The following CCDC148 variants were observed in gnomAD, a reference collection of about 807,000 sequenced individuals.
The protein encoded by CCDC148 is coiled-coil domain containing 148.
A neutral mutation model predicts 85.7 loss-of-function variants in CCDC148; 89 were observed. The observed-to-expected ratio is 1.04, with a 90% CI of 0.87 to 1.24. The LOEUF is 1.24. Ranked by LOEUF, CCDC148 falls within the 50% of genes most tolerant of loss-of-function variation. CCDC148 has a pLI of 0.00. For missense variants in CCDC148, 692 were observed against 671.7 expected, an observed-to-expected ratio of 1.03 and a Z score of -0.33; for synonymous variants, 230 against 213.9, an observed-to-expected ratio of 1.08 and a Z score of -0.66.
chr2:158,443,938 A>T (rs931590977), intron 1 of CCDC148, among the ~76,000 whole-genome samples: 1 of 152,250 alleles, frequency 6.6e-6, no homozygotes, highest in African/African-American at 2.4e-5. Context: ...CATAGTCAAT[A>T]GGTTGCAATT....
intron 1 of CCDC148, among the ~76,000 whole-genome samples, chr2:158,395,027 A>C (rs1685465904): frequency 6.6e-6 from 1 of 152,140 alleles, no homozygotes; most frequent in South Asian, 2.1e-4. Flanking sequence ...TTAATCAGGA[A>C]AAAAGAACAT....
chr2:158,400,943 T>A (rs1238543743), intron 1 of CCDC148, among the ~76,000 whole-genome samples: 1 of 152,190 alleles, frequency 6.6e-6, no homozygotes, highest in African/African-American at 2.4e-5. Flanking sequence ...AACAGACATA[T>A]GAAAATATGC....
intron 3 of CCDC148, among the ~76,000 whole-genome samples, chr2:158,343,542 A>G (rs1015588292): frequency 6.6e-6 from 1 of 152,198 alleles, no homozygotes; most frequent in African/African-American, 2.4e-5. Flanking sequence ...CACATATTAA[A>G]TTACCTAACA....
intron 9 of CCDC148, among the ~76,000 whole-genome samples, chr2:158,256,583 C>T (rs1490930927): frequency 2.6e-5 from 4 of 151,630 alleles, no homozygotes; most frequent in Non-Finnish European, 5.9e-5. Flanking sequence ...AGAAAGTTAC[C>T]ATCTGAGCAG....
chr2:158,274,732 C>T (rs2105166182), intron 9 of CCDC148, among the ~76,000 whole-genome samples: 1 of 152,198 alleles, frequency 6.6e-6, no homozygotes, highest in Admixed American at 6.5e-5. Context: ...AAGTTTATAG[C>T]AGGAAAGTAA....
chr2:158,242,380 G>T, intron 10 of CCDC148, among the ~76,000 whole-genome samples: 1 of 152,120 alleles, frequency 6.6e-6, no homozygotes, highest in East Asian at 1.9e-4. Context: ...CTTTCTAAGT[G>T]CCAGCCACGT....
At chr2:158,285,863 G>A (rs986876826) in intron 9 of CCDC148, among the ~76,000 whole-genome samples, 5 of 151,878 alleles carry the variant, frequency 3.3e-5, no homozygotes, top group African/African-American at 9.7e-5. Context: ...ATCTGAGAAT[G>A]TTCTCTTTCA....
At chr2:158,405,185 G>A (rs1377079496) in intron 1 of CCDC148, among the ~76,000 whole-genome samples, 1 of 152,080 alleles carries the variant, frequency 6.6e-6, no homozygotes, top group East Asian at 1.9e-4. Flanking sequence ...GAACAGGGAA[G>A]GAGTAGTCAC....
intron 9 of CCDC148, among the ~76,000 whole-genome samples, chr2:158,303,654 G>A (rs1432587990): frequency 1.3e-5 from 2 of 152,114 alleles, no homozygotes; most frequent in Non-Finnish European, 2.9e-5. Flanking sequence ...AGAAAAAACA[G>A]AATCCATTTT....
At chr2:158,402,527 G>C (rs552936652) in intron 1 of CCDC148, among the ~76,000 whole-genome samples, 9 of 152,048 alleles carry the variant, frequency 5.9e-5, no homozygotes, top group African/African-American at 2.2e-4. Flanking sequence ...AATAGTCCCA[G>C]CTACAGATCA....
chr2:158,266,453 C>T (rs575141639), intron 9 of CCDC148, among the ~76,000 whole-genome samples: 1 of 152,214 alleles, frequency 6.6e-6, no homozygotes, highest in Non-Finnish European at 1.5e-5. Flanking sequence ...TGAAAATACA[C>T]CCACATTCTT....
chr2:158,295,920 A>T (rs1389951873), intron 9 of CCDC148, among the ~76,000 whole-genome samples: 1 of 152,176 alleles, frequency 6.6e-6, no homozygotes, highest in Non-Finnish European at 1.5e-5. Flanking sequence ...AATTAGGAAA[A>T]GAGGAAGTCA....
intron 1 of CCDC148, among the ~76,000 whole-genome samples, chr2:158,372,483 A>T (rs983883615): frequency 1.9e-4 from 29 of 152,010 alleles, no homozygotes; most frequent in African/African-American, 6.8e-4. Context: ...TTCCTACATG[A>T]CTTGCCATTT....
chr2:158,456,196 A>G (rs1688705044), intron 1 of CCDC148, among the ~76,000 whole-genome samples: 1 of 152,230 alleles, frequency 6.6e-6, no homozygotes, highest in Non-Finnish European at 1.5e-5. Context: ...TTTGGCATCT[A>G]TCATACAATC....
At chr2:158,212,962 G>T (rs1686659025) in intron 11 of CCDC148, among the ~76,000 whole-genome samples, 1 of 152,164 alleles carries the variant, frequency 6.6e-6, no homozygotes, top group African/African-American at 2.4e-5. Context: ...ACTTGAGAAA[G>T]TGTAGAAAGA....
intron 1 of CCDC148, among the ~76,000 whole-genome samples, chr2:158,392,924 GTA>G (rs1172910477): frequency 6.6e-6 from 1 of 152,070 alleles, no homozygotes; most frequent in Non-Finnish European, 1.5e-5. Context: ...GTTTGTAGCA[GTA>G]TAGAGGAGTC....
chr2:158,377,513 G>A (rs986775937), intron 1 of CCDC148, among the ~76,000 whole-genome samples: 7 of 152,010 alleles, frequency 4.6e-5, no homozygotes, highest in African/African-American at 1.7e-4. Flanking sequence ...TAAAATGTAT[G>A]TATGTAATTG....
At position 158,268,260 on chromosome 2, in the gene CCDC148, G is replaced by A. The variant is rs995168499; in HGVS notation, c.1111-17348C>T. ...CTAGCACGTGATATTGTCAGAGTTTGGAGGGCTAGTTTTCTGGGGGAGAGG... is the reference window on the plus strand; with the variant it reads ...CTAGCACGTGATATTGTCAGAGTTTAGAGGGCTAGTTTTCTGGGGGAGAGG... On this transcript the variant is annotated intron_variant, in intron 9 of 13. Coordinates refer to ENST00000283233, the MANE Select transcript of CCDC148 (RefSeq NM_138803.4). Among the ~76,000 whole-genome samples the A allele has an allele frequency of 1.6e-4, 24 of 152,176 alleles. No homozygotes were observed. The Middle Eastern group carries it at 0.014, about 86-fold the overall frequency.
At chr2:158,250,630 A>G (rs751406455) in intron 10 of CCDC148, 142 bp downstream of exon 10, 40 of 1,232,786 alleles carry the variant, frequency 3.2e-5, no homozygotes, top group Non-Finnish European at 4.1e-5. Context: ...TAAACTTTTC[A>G]TTAGATAAAA....
Sources: gnomAD v4.1 joint callset for allele counts (sites outside exome capture counted in the v4.1 genomes callset) on GRCh38, gnomAD v4.1.1 for gene constraint, MANE v1.5 for transcripts, NCBI Gene and HGNC (gene_info 2026-07-23, HGNC 2026-07-21) for gene names.